PRKN: variants seen among roughly 807,000 people sequenced by gnomAD.
The protein encoded by PRKN is E3 ubiquitin-protein ligase parkin.
A neutral mutation model predicts 59.5 loss-of-function variants in PRKN; 56 were observed. The ratio of observed to expected loss-of-function variants is 0.94; its 90% CI spans 0.76 to 1.18. The LOEUF (loss-of-function observed/expected upper bound fraction) is 1.18. Ranked by LOEUF, PRKN falls within the 50% of genes most tolerant of loss-of-function variation. PRKN has a pLI of 0.00. For synonymous variants in PRKN, 250 were observed against 222.1 expected, an observed-to-expected ratio of 1.13 and a Z score of -1.12; for missense variants, 657 against 596.4, an observed-to-expected ratio of 1.10 and a Z score of -1.06.
At chr6:161,496,060 A>G (rs1265288438) in intron 9 of PRKN, among the ~76,000 whole-genome samples, 1 of 152,328 alleles carries the variant, frequency 6.6e-6, no homozygotes, top group East Asian at 1.9e-4. Context: ...TAGCACATAG[A>G]AGTGCCAAAC....
intron 1 of PRKN, among the ~76,000 whole-genome samples, chr6:162,492,632 CCT>C (rs1001232011): frequency 3.9e-5 from 6 of 152,090 alleles, no homozygotes; most frequent in African/African-American, 1.4e-4. Flanking sequence ...GGTGAAACCC[CCT>C]CTCTACTAAA....
chr6:161,416,767 C>T lies in PRKN; in HGVS notation c.1084-29890G>A, dbSNP rs149779162. On this transcript the variant is annotated intron_variant, in intron 9 of 11. Coordinates refer to ENST00000366898, the MANE Select transcript of PRKN (RefSeq NM_004562.3). ...GACCATAAGACAAAGTGCTTCAAGG[C>T]AAGGCTTGTATCAACCGTGCTACGG... Among the ~76,000 whole-genome samples the T allele has an allele frequency of 8.1e-4, 123 of 152,282 alleles. 1 individual carries two copies. Among genetic ancestry groups the T allele is most frequent in the African/African-American group, 2.8e-3 (116 of 41,528 alleles).
Position 161,484,259 on chromosome 6 carries a change from T to C in PRKN, c.1083+64595A>G, listed in dbSNP as rs1018600962. Reference sequence around the variant, plus strand: ...AAAGAAAATTTCTGGGTTTTGCACATGGCCATTTTCTGAACTCCTATAACT... The same window carrying C: ...AAAGAAAATTTCTGGGTTTTGCACACGGCCATTTTCTGAACTCCTATAACT... On this transcript the variant is annotated intron_variant, in intron 9 of 11. Coordinates refer to ENST00000366898, the MANE Select transcript of PRKN (RefSeq NM_004562.3). The surrounding 1 kb of genome is among the most constrained non-coding windows in gnomAD (Gnocchi z 4.9). Among the ~76,000 whole-genome samples the C allele has an allele frequency of 2.0e-5, 3 of 152,172 alleles. No individual in the cohort carries two copies. The highest frequency in any genetic ancestry group is 6.5e-5 in the Admixed American group (1 of 15,282).
intron 7 of PRKN, among the ~76,000 whole-genome samples, chr6:161,606,258 G>A (rs1457721604): frequency 1.3e-5 from 2 of 152,170 alleles, no homozygotes; most frequent in Admixed American, 1.3e-4. Context: ...TGTGATGTGA[G>A]CGTACACTAA....
intron 1 of PRKN, among the ~76,000 whole-genome samples, chr6:162,510,679 T>C (rs554163600): frequency 2.0e-4 from 30 of 152,266 alleles, no homozygotes; most frequent in African/African-American, 7.0e-4. Context: ...TCCCAGCACT[T>C]TGGGAGGCCG....
chr6:162,721,726 G>A (rs1778947986), intron 1 of PRKN, among the ~76,000 whole-genome samples: 1 of 152,082 alleles, frequency 6.6e-6, no homozygotes, highest in Non-Finnish European at 1.5e-5. Flanking sequence ...ACCCCTTCTA[G>A]ACTATGAACA....
At chr6:161,952,144 C>T (rs1164248689) in intron 6 of PRKN, among the ~76,000 whole-genome samples, 4 of 152,086 alleles carry the variant, frequency 2.6e-5, no homozygotes, top group Non-Finnish European at 5.9e-5. Context: ...CCTGAACCCT[C>T]GGAAAGGAGC....
At chr6:161,756,608 CT>C (rs1788938378) in intron 7 of PRKN, among the ~76,000 whole-genome samples, 1 of 151,662 alleles carries the variant, frequency 6.6e-6, no homozygotes, top group South Asian at 2.1e-4. Flanking sequence ...CCTACCTCCT[CT>C]TTTTTCTTTC....
intron 1 of PRKN, among the ~76,000 whole-genome samples, chr6:162,560,733 T>C (rs574719180): frequency 6.6e-6 from 1 of 151,514 alleles, no homozygotes; most frequent in African/African-American, 2.4e-5. Flanking sequence ...GGCAAAAATA[T>C]CCATTGCCAA....
chr6:162,215,910 G>A (rs946740617), intron 3 of PRKN, among the ~76,000 whole-genome samples: 1 of 152,100 alleles, frequency 6.6e-6, no homozygotes, highest in Non-Finnish European at 1.5e-5. Flanking sequence ...TGGCATGGTG[G>A]TGCATGCCTG....
chr6:162,295,205 A>C (rs542127120), intron 2 of PRKN, among the ~76,000 whole-genome samples: 1 of 152,294 alleles, frequency 6.6e-6, no homozygotes, highest in East Asian at 1.9e-4. Flanking sequence ...CTCGGTACCC[A>C]TATGGAGGCT....
chr6:162,523,680 A>G (rs1310579333), intron 1 of PRKN, among the ~76,000 whole-genome samples: 2 of 151,852 alleles, frequency 1.3e-5, no homozygotes, highest in East Asian at 3.9e-4. Context: ...AAAAGAAAAA[A>G]TCCATTGGTT....
intron 1 of PRKN, among the ~76,000 whole-genome samples, chr6:162,602,445 A>G (rs983718193): frequency 6.6e-6 from 1 of 152,222 alleles, no homozygotes; most frequent in Non-Finnish European, 1.5e-5. Context: ...TGTGTCTTGC[A>G]TGTGGTTTTG....
At chr6:161,636,818 G>C (rs921899997) in intron 7 of PRKN, among the ~76,000 whole-genome samples, 4 of 152,146 alleles carry the variant, frequency 2.6e-5, no homozygotes, top group Non-Finnish European at 5.9e-5. Flanking sequence ...TTTACAGGCT[G>C]TTTCAGAGCT....
intron 6 of PRKN, among the ~76,000 whole-genome samples, chr6:161,906,484 G>A (rs1318477366): frequency 6.6e-6 from 1 of 151,976 alleles, no homozygotes; most frequent in African/African-American, 2.4e-5. Context: ...CTCTGGCCAA[G>A]GAGAAGCCAC....
chr6:161,795,476 C>T (rs554445032), intron 6 of PRKN, among the ~76,000 whole-genome samples: 12 of 152,182 alleles, frequency 7.9e-5, no homozygotes, highest in South Asian at 2.1e-4. Context: ...TCAAGTGATC[C>T]GCCCGCCTCA....
chr6:162,128,294 T>C (rs561018774), intron 4 of PRKN, among the ~76,000 whole-genome samples: 1 of 152,338 alleles, frequency 6.6e-6, no homozygotes, highest in South Asian at 2.1e-4. Context: ...AAAGTCATCA[T>C]AGTAAATCAC....
At chr6:162,520,224 T>C (rs2128193310) in intron 1 of PRKN, among the ~76,000 whole-genome samples, 2 of 152,348 alleles carry the variant, frequency 1.3e-5, no homozygotes, top group African/African-American at 4.8e-5. Flanking sequence ...TACACTATGG[T>C]ACACTTCACT....
chr6:161,388,068 C>A lies in PRKN; in HGVS notation c.1084-1191G>T, dbSNP rs1483609218. Among the ~76,000 whole-genome samples the A allele has an allele frequency of 6.6e-6, 1 of 152,200 alleles. No individual in the cohort carries two copies. The highest frequency in any genetic ancestry group is 2.4e-5 in the African/African-American group (1 of 41,466). On this transcript the variant is annotated intron_variant, in intron 9 of 11. Transcript: ENST00000366898. The surrounding 1 kb of genome is among the most constrained non-coding windows in gnomAD (Gnocchi z 4.3). ...ACCTCTCCTGAAAGCACGTCCCATTCTCATCGCCACCAGCCATGCTCTGAA... is the reference window on the plus strand; with the variant it reads ...ACCTCTCCTGAAAGCACGTCCCATTATCATCGCCACCAGCCATGCTCTGAA...
Sources: allele counts gnomAD v4.1 joint callset (sites outside exome capture counted in the v4.1 genomes callset), GRCh38; gene constraint gnomAD v4.1.1; non-coding constraint Gnocchi (gnomAD v3.1); transcripts MANE v1.5; gene names NCBI Gene and HGNC (gene_info 2026-07-23, HGNC 2026-07-21).